Variants in TMEM242 observed in about 807,000 individuals in gnomAD.
TMEM242 encodes transmembrane protein 242, also known as UPF0463 transmembrane protein C6orf35.
A neutral mutation model predicts 18.2 loss-of-function variants in TMEM242; 10 were observed. The ratio of observed to expected loss-of-function variants is 0.55; its 90% confidence interval spans 0.34 to 0.93. The LOEUF is 0.93. Among genes scored for constraint, TMEM242 ranks in the 40% least tolerant of loss-of-function variants. TMEM242 has a pLI of 0.02. For missense variants in TMEM242, 186 were observed against 175.5 expected (o/e 1.06, Z -0.34); for synonymous variants, 57 against 69.9 (o/e 0.81, Z 0.92).
chr6:157,289,941 GGT>G lies in TMEM242; in HGVS notation c.*2958_*2959del, dbSNP rs2128412137. 6.6e-6 allele frequency: 1 copy of G among 152,378 alleles called. No homozygotes were observed. Among genetic ancestry groups the G allele is most frequent in the African/African-American group, 2.4e-5 (1 of 41,578 alleles). The allele number at this position is 152,378 out of a possible 1,614,324, so 9.4% of individuals were successfully genotyped here. ...ACATGCTTCCATGCCCTTGGGCCATGGTCCTCCTGGTGATGGGCTGCCGGGCG... is the reference window on the plus strand; with the variant it reads ...ACATGCTTCCATGCCCTTGGGCCATGCCTCCTGGTGATGGGCTGCCGGGCG... On this transcript the variant is annotated 3_prime_UTR_variant, in exon 4 of 4. Coordinates refer to ENST00000400788, the MANE Select transcript of TMEM242 (RefSeq NM_018452.6).
chr6:157,311,378 CAGTGTGCGCT>C (rs1778081590), intron 3 of TMEM242, among the ~76,000 whole-genome samples: 1 of 56,326 alleles, frequency 1.8e-5, no homozygotes, highest in African/African-American at 6.1e-5. Context: ...CATAGTGTTC[CAGTGTGCGCT>C]CACCTAGCCT....
At chr6:157,309,419 G>A (rs191190681) in intron 3 of TMEM242, among the ~76,000 whole-genome samples, 1 of 152,008 alleles carries the variant, frequency 6.6e-6, no homozygotes, top group African/African-American at 2.4e-5. Flanking sequence ...CAGGGTCTCT[G>A]TCACCTAGGC....
intron 3 of TMEM242, among the ~76,000 whole-genome samples, chr6:157,311,017 C>A (rs1554248570): frequency 2.3e-3 from 2 of 888 alleles, no homozygotes; most frequent in Non-Finnish European, 3.8e-3. Flanking sequence ...TGTGCAGTCA[C>A]CTAGCCTCAT....
rs1778530312 is a variant in TMEM242, at chr6:157,323,470, C to A, written c.30G>T (p.Gln10His). The A allele has an allele frequency of 6.2e-7, 1 of 1,614,036 alleles. No homozygotes were observed. The highest frequency in any genetic ancestry group is 1.1e-5 in the South Asian group (1 of 91,088). The change falls in exon 1 of 4, where the codon CAG becomes CAT. Residue 10 changes from glutamine (Q) to histidine (H), a missense_variant. Physicochemically the swap from Gln to His is conservative, Grantham distance 24. Transcript: ENST00000400788. METAGAATG[Q>H]PASGLEAPGS... The stretch of plus-strand genomic sequence containing the variant: ...CCGGAGCCTCCAGCCCAGAGGCCGG[C>A]TGCCCAGTTGCAGCGCCCGCTGTCT...
At chr6:157,323,302 A>G in intron 1 of TMEM242, 110 bp downstream of exon 1, 3 of 1,231,984 alleles carry the variant, frequency 2.4e-6, no homozygotes, top group Admixed American at 4.2e-5. Context: ...GGGCAAGCAC[A>G]AGCTAAGGGC....
chr6:157,304,752 GTAAC>G, intron 3 of TMEM242, among the ~76,000 whole-genome samples: 1 of 152,330 alleles, frequency 6.6e-6, no homozygotes, highest in Admixed American at 6.5e-5. Flanking sequence ...ATTTCAGAGA[GTAAC>G]TGGGTGGTGG....
At chr6:157,307,041 T>C (rs1288514371) in intron 3 of TMEM242, among the ~76,000 whole-genome samples, 1 of 152,244 alleles carries the variant, frequency 6.6e-6, no homozygotes. Context: ...ATATCAACTA[T>C]ATATTAGTGT....
chr6:157,310,122 A>G (rs1777977557), intron 3 of TMEM242, among the ~76,000 whole-genome samples: 1 of 152,194 alleles, frequency 6.6e-6, no homozygotes, highest in Non-Finnish European at 1.5e-5. Context: ...TCTAGCTATA[A>G]ATAACCTAAA....
intron 3 of TMEM242, among the ~76,000 whole-genome samples, chr6:157,294,927 C>A (rs1490763614): frequency 6.6e-6 from 1 of 152,126 alleles, no homozygotes; most frequent in Non-Finnish European, 1.5e-5. Flanking sequence ...ACAGTAATTA[C>A]CTGCTTAAAG....
At chr6:157,297,506 G>A (rs782151645) in intron 3 of TMEM242, among the ~76,000 whole-genome samples, 16 of 152,080 alleles carry the variant, frequency 1.1e-4, no homozygotes, top group East Asian at 1.9e-4. Context: ...TCCTAAAACC[G>A]CCTAGAACTG....
chr6:157,299,575 A>G (rs781918143), intron 3 of TMEM242: 15 of 1,566,340 alleles, frequency 9.6e-6, no homozygotes, highest in East Asian at 2.2e-5. Context: ...TCCAGGCTAC[A>G]TAAGTTAAGT....
intron 3 of TMEM242, among the ~76,000 whole-genome samples, chr6:157,310,289 A>G (rs1317474082): frequency 7.2e-6 from 1 of 139,710 alleles, no homozygotes; most frequent in Non-Finnish European, 1.6e-5. Flanking sequence ...TTAGTACAAG[A>G]GTTCCTTAAA....
intron 3 of TMEM242, among the ~76,000 whole-genome samples, chr6:157,295,162 A>G (rs1421734417): frequency 2.6e-5 from 4 of 152,224 alleles, no homozygotes; most frequent in African/African-American, 9.6e-5. Flanking sequence ...TGTCACTGGA[A>G]GATACGTAAG....
intron 3 of TMEM242, among the ~76,000 whole-genome samples, chr6:157,301,698 TGA>T (rs782647762): frequency 4.3e-4 from 65 of 152,250 alleles, no homozygotes; most frequent in Non-Finnish European, 7.9e-4. Flanking sequence ...CTTTGGAGGC[TGA>T]GTTTGTGGAT....
At chr6:157,320,637 AT>A (rs1308859798) in intron 2 of TMEM242, among the ~76,000 whole-genome samples, 1 of 151,972 alleles carries the variant, frequency 6.6e-6, no homozygotes, top group Non-Finnish European at 1.5e-5. Context: ...TGCCCAGCTA[AT>A]TTTTGTATTT....
intron 3 of TMEM242, among the ~76,000 whole-genome samples, chr6:157,300,534 A>T (rs1332290571): frequency 6.6e-6 from 1 of 152,200 alleles, no homozygotes; most frequent in Non-Finnish European, 1.5e-5. Context: ...GCCGGGAAGG[A>T]TAGGGCGCTG....
At chr6:157,299,613 G>C in intron 3 of TMEM242, 1 of 1,595,666 alleles carries the variant, frequency 6.3e-7, no homozygotes, top group South Asian at 1.1e-5. Flanking sequence ...ACAATAATCA[G>C]CTTGCAGAGG....
At chr6:157,310,567 TGCCCCA>T (rs1777999498) in intron 3 of TMEM242, among the ~76,000 whole-genome samples, 1 of 145,434 alleles carries the variant, frequency 6.9e-6, no homozygotes, top group African/African-American at 2.8e-5. Context: ...CTCATCATAG[TGCCCCA>T]GTGTGCGCTC....
At chr6:157,323,324 G>T in intron 1 of TMEM242, 88 bp downstream of exon 1, 1 of 1,381,140 alleles carries the variant, frequency 7.2e-7, no homozygotes. Flanking sequence ...CTCAGAGCGG[G>T]ATGTGTGTGG....
Sources: allele counts gnomAD v4.1 joint callset (sites outside exome capture counted in the v4.1 genomes callset), GRCh38; gene constraint gnomAD v4.1.1; transcripts MANE v1.5; gene names NCBI Gene and HGNC (gene_info 2026-07-23, HGNC 2026-07-21).